ELOC: variants seen among roughly 807,000 people sequenced by gnomAD.
ELOC encodes the protein elongin C, also known as elongin-C.
For missense variants in ELOC, 38 were observed against 139.0 expected, an observed-to-expected ratio of 0.27 and a Z score of 3.65; for synonymous variants, 40 against 51.3, an observed-to-expected ratio of 0.78 and a Z score of 0.94.
intron 1 of ELOC, among the ~76,000 whole-genome samples, chr8:73,971,032 C>CAAAAAAAAAA (rs67188912): frequency 0.15 from 9,409 of 61,458 alleles, 1,049 homozygotes; most frequent in Non-Finnish European, 0.22. Context: ...GACTCCGTCT[C>CAAAAAAAAAA]AAAAAAAAAA....
At chr8:73,971,455 G>A (rs763533017) in intron 1 of ELOC, among the ~76,000 whole-genome samples, 3 of 152,142 alleles carry the variant, frequency 2.0e-5, no homozygotes, top group South Asian at 4.1e-4. Context: ...ATGTGGAGTA[G>A]AAATGCTCAC....
At chr8:73,970,866 A>AAC (rs1204378810) in intron 1 of ELOC, among the ~76,000 whole-genome samples, 48 of 119,512 alleles carry the variant, frequency 4.0e-4, no homozygotes, top group Non-Finnish European at 6.9e-4. Context: ...AAACAAAACA[A>AAC]AACAAAAAAA....
chr8:73,957,183 A>G (rs912168332), intron 2 of ELOC, among the ~76,000 whole-genome samples: 1 of 152,052 alleles, frequency 6.6e-6, no homozygotes, highest in Non-Finnish European at 1.5e-5. Context: ...AAAAAAAAAA[A>G]AAAAGTATGC....
intron 1 of ELOC, among the ~76,000 whole-genome samples, chr8:73,962,473 G>A (rs1268888884): frequency 1.3e-5 from 2 of 151,652 alleles, no homozygotes; most frequent in East Asian, 3.9e-4. Context: ...TTTAAAAATA[G>A]TACTGTCATT....
chr8:73,952,241 T>TA (rs1240203156), intron 3 of ELOC, among the ~76,000 whole-genome samples: 2 of 151,662 alleles, frequency 1.3e-5, no homozygotes, highest in Admixed American at 6.6e-5. Flanking sequence ...CCATCTCCAC[T>TA]AAAAACACAA....
At chr8:73,954,126 C>A (rs1351223269) in intron 3 of ELOC, among the ~76,000 whole-genome samples, 1 of 151,980 alleles carries the variant, frequency 6.6e-6, no homozygotes, top group African/African-American at 2.4e-5. Context: ...TACAAAATGG[C>A]CAGAATAGGT....
At chr8:73,961,222 CTT>C (rs892021494) in intron 1 of ELOC, among the ~76,000 whole-genome samples, 2 of 152,152 alleles carry the variant, frequency 1.3e-5, no homozygotes, top group African/African-American at 2.4e-5. Context: ...TACTGATACT[CTT>C]TTTTACGTCA....
intron 3 of ELOC, among the ~76,000 whole-genome samples, chr8:73,948,084 C>T (rs975426802): frequency 2.6e-5 from 4 of 151,270 alleles, no homozygotes; most frequent in Non-Finnish European, 4.4e-5. Flanking sequence ...CCCAGGTACT[C>T]GGGAGGCTGA....
intron 1 of ELOC, among the ~76,000 whole-genome samples, chr8:73,962,631 C>G (rs1408500423): frequency 6.6e-6 from 1 of 151,488 alleles, no homozygotes; most frequent in Non-Finnish European, 1.5e-5. Flanking sequence ...TTTCAAGGGC[C>G]AACTCTTTTA....
intron 1 of ELOC, among the ~76,000 whole-genome samples, chr8:73,970,174 T>G (rs1815258096): frequency 6.6e-6 from 1 of 152,088 alleles, no homozygotes; most frequent in Admixed American, 6.6e-5. Context: ...CCCAGGAGGT[T>G]GAGGCTAGAG....
chr8:73,968,203 T>C (rs1184137764), intron 1 of ELOC, among the ~76,000 whole-genome samples: 1 of 152,204 alleles, frequency 6.6e-6, no homozygotes. Context: ...AGGACTTCTG[T>C]TTCTTCATCT....
chr8:73,955,211 G>A (rs1224526531), intron 3 of ELOC, among the ~76,000 whole-genome samples: 1 of 152,144 alleles, frequency 6.6e-6, no homozygotes, highest in East Asian at 1.9e-4. Context: ...GCTCATGCCT[G>A]TAATCCCCGC....
intron 1 of ELOC, among the ~76,000 whole-genome samples, chr8:73,964,246 CAAA>C (rs560289242): frequency 1.2e-5 from 1 of 82,016 alleles, no homozygotes. Context: ...TATAAATGGC[CAAA>C]AAAAAAAAAA....
chr8:73,961,450 G>GA (rs1814587373), intron 1 of ELOC, among the ~76,000 whole-genome samples: 1 of 152,014 alleles, frequency 6.6e-6, no homozygotes, highest in Non-Finnish European at 1.5e-5. Context: ...AGCAGGAGCA[G>GA]AAATCAAATC....
At chr8:73,950,652 T>C (rs1226753772) in intron 3 of ELOC, among the ~76,000 whole-genome samples, 1 of 152,162 alleles carries the variant, frequency 6.6e-6, no homozygotes, top group Non-Finnish European at 1.5e-5. Context: ...AACCCACTGA[T>C]CAAGCTTGAC....
chr8:73,955,822 C>A, intron 3 of ELOC, 89 bp downstream of exon 3: 1 of 1,358,322 alleles, frequency 7.4e-7, no homozygotes, highest in East Asian at 2.3e-5. Context: ...CTTATTTTCT[C>A]TTTAAATGCT....
intron 2 of ELOC, 138 bp from the exon 3 acceptor site, chr8:73,956,192 A>C (rs1586603266): frequency 1.4e-6 from 1 of 716,600 alleles, no homozygotes; most frequent in Non-Finnish European, 2.3e-6. Flanking sequence ...GGAGTTCAAG[A>C]CCAGCCTGGT....
chr8:73,968,434 TCTCTCAAATAATATC>T (rs1815138728), intron 1 of ELOC, among the ~76,000 whole-genome samples: 1 of 152,120 alleles, frequency 6.6e-6, no homozygotes, highest in Non-Finnish European at 1.5e-5. Context: ...ACCTAATTAT[TCTCTCAAATAATATC>T]TCCAAACTCC....
chr8:73,966,597 C>T (rs1208578700), intron 1 of ELOC, among the ~76,000 whole-genome samples: 1 of 151,598 alleles, frequency 6.6e-6, no homozygotes, highest in Non-Finnish European at 1.5e-5. Context: ...AGGATTCTCC[C>T]ACCTTCTTCC....
Sources: allele counts gnomAD v4.1 joint callset (sites outside exome capture counted in the v4.1 genomes callset), GRCh38; gene constraint gnomAD v4.1.1; transcripts MANE v1.5; gene names NCBI Gene and HGNC (gene_info 2026-07-23, HGNC 2026-07-21).